Variants in RPS6KA2 observed in about 807,000 individuals in gnomAD.
RPS6KA2 encodes ribosomal protein S6 kinase alpha-2.
In RPS6KA2, 42 loss-of-function variants were observed where a neutral mutation model predicts 91.8. The observed-to-expected ratio is 0.46, with a 90% confidence interval of 0.36 to 0.59. The LOEUF is 0.59. RPS6KA2 is among the 20% of genes least tolerant of loss of function. RPS6KA2 has a pLI of 0.00. For synonymous variants in RPS6KA2, 414 were observed against 393.6 expected, an observed-to-expected ratio of 1.05 and a Z score of -0.61; for missense variants, 798 against 978.5, an observed-to-expected ratio of 0.82 and a Z score of 2.46.
rs532624192 is a variant in RPS6KA2 at position 166,852,669 on chromosome 6, C to T, written c.123+5531G>A. 2.8e-4 allele frequency among the ~76,000 whole-genome samples: 43 copies of T among 152,172 alleles called. No individual in the cohort carries two copies. The highest frequency in any genetic ancestry group is 9.6e-4 in the African/African-American group (40 of 41,544). On this transcript the variant is annotated intron_variant, in intron 2 of 21. Coordinates refer to the RPS6KA2 transcript ENST00000503859. The surrounding 1 kb of genome is among the most constrained non-coding windows in gnomAD (Gnocchi z 4.1). ...TCGAGGGGTCCAAGCAGCAACGGCT[C>T]GGCAACTCCGGGAGCTGGGCATTGG...
chr6:166,734,136 G>C (rs902028399), intron 2 of RPS6KA2, among the ~76,000 whole-genome samples: 8 of 152,208 alleles, frequency 5.3e-5, no homozygotes, highest in African/African-American at 1.9e-4. Context: ...AGAGAGGAAA[G>C]TTAGGTATGG....
chr6:166,624,866 G>A (rs991464353), intron 1 of RPS6KA2, among the ~76,000 whole-genome samples: 1 of 151,384 alleles, frequency 6.6e-6, no homozygotes, highest in Non-Finnish European at 1.5e-5. Context: ...GACAAGTCTC[G>A]CTCTCTCGCC....
chr6:166,745,148 CTTTTTTTT>C (rs147789754), intron 2 of RPS6KA2, among the ~76,000 whole-genome samples: 1 of 105,938 alleles, frequency 9.4e-6, no homozygotes, highest in Admixed American at 9.8e-5. Context: ...CCTAATCGGC[CTTTTTTTT>C]TTTTTTTTTT....
At position 166,435,540 on chromosome 6, in the gene RPS6KA2, C is replaced by T. The variant is rs775386301; in HGVS notation, c.1333-3050G>A. 3.3e-5 allele frequency among the ~76,000 whole-genome samples: 5 copies of T among 152,236 alleles called. No homozygotes were observed. Among genetic ancestry groups the T allele is most frequent in the African/African-American group, 4.8e-5 (2 of 41,472 alleles). ...AACCAAACACCACACACCAGCTGTT[C>T]GCTGAGGTGGCATTTGGGGAAATGG... On this transcript the variant is annotated intron_variant, in intron 14 of 20. Coordinates refer to ENST00000265678, the MANE Select transcript of RPS6KA2 (RefSeq NM_021135.6). This position sits in a 1 kb window ranked among gnomAD's most constrained non-coding sequence, Gnocchi z 4.3.
intron 2 of RPS6KA2, among the ~76,000 whole-genome samples, chr6:166,735,782 C>T (rs1387912483): frequency 2.0e-5 from 3 of 152,216 alleles, no homozygotes; most frequent in Admixed American, 6.5e-5. Flanking sequence ...GATGAAGCTT[C>T]GCTCACTCAC....
At chr6:166,691,976 C>G (rs1200397331) in intron 2 of RPS6KA2, among the ~76,000 whole-genome samples, 2 of 152,154 alleles carry the variant, frequency 1.3e-5, no homozygotes, top group African/African-American at 4.8e-5. Context: ...TTCCCCGTGT[C>G]CCAGGAGCAG....
intron 3 of RPS6KA2, among the ~76,000 whole-genome samples, chr6:166,523,612 A>G (rs2187910): frequency 0.61 from 92,902 of 151,974 alleles, 28,935 homozygotes; most frequent in African/African-American, 0.72. Flanking sequence ...CTCTTAAGAG[A>G]GGGCAAAATT....
intron 2 of RPS6KA2, among the ~76,000 whole-genome samples, chr6:166,656,011 G>A (rs1281359356): frequency 6.6e-6 from 1 of 152,222 alleles, no homozygotes; most frequent in African/African-American, 2.4e-5. Context: ...ACACGTGGCA[G>A]AACACTACAC....
At chr6:166,479,092 C>G (rs962662931) in intron 10 of RPS6KA2, among the ~76,000 whole-genome samples, 1 of 152,222 alleles carries the variant, frequency 6.6e-6, no homozygotes, top group Non-Finnish European at 1.5e-5. Flanking sequence ...TTCCATCAGG[C>G]CCTCTCCCCT....
chr6:166,675,995 G>A (rs779328418), intron 2 of RPS6KA2, among the ~76,000 whole-genome samples: 2 of 152,182 alleles, frequency 1.3e-5, no homozygotes, highest in African/African-American at 4.8e-5. Flanking sequence ...AGGCTTCGCC[G>A]TAAGGGATTC....
chr6:166,514,924 C>T (rs1038210192), intron 3 of RPS6KA2, among the ~76,000 whole-genome samples: 5 of 152,168 alleles, frequency 3.3e-5, no homozygotes, highest in Non-Finnish European at 7.4e-5. Flanking sequence ...AGGCCACCTG[C>T]ATTCTCGGCC....
intron 2 of RPS6KA2, among the ~76,000 whole-genome samples, chr6:166,771,631 CT>C (rs1196367180): frequency 6.6e-6 from 1 of 152,230 alleles, no homozygotes; most frequent in Non-Finnish European, 1.5e-5. Context: ...CATTTCTCTT[CT>C]GTTCTCTGTT....
At chr6:166,559,746 A>C (rs1784284649) in intron 1 of RPS6KA2, among the ~76,000 whole-genome samples, 1 of 152,168 alleles carries the variant, frequency 6.6e-6, no homozygotes, top group African/African-American at 2.4e-5. Context: ...TTATTAAAAA[A>C]AAGTTTTAAT....
intron 2 of RPS6KA2, among the ~76,000 whole-genome samples, chr6:166,725,361 A>G (rs1437585370): frequency 6.6e-6 from 1 of 152,210 alleles, no homozygotes; most frequent in Non-Finnish European, 1.5e-5. Context: ...TCCATTTGGG[A>G]ACAAAATGTA....
chr6:166,813,503 G>A (rs1018149540), intron 2 of RPS6KA2, among the ~76,000 whole-genome samples: 4 of 152,158 alleles, frequency 2.6e-5, no homozygotes, highest in Non-Finnish European at 4.4e-5. Flanking sequence ...ACACAAACTG[G>A]GTGGCTTAAG....
chr6:166,485,708 C>T (rs570292752), intron 10 of RPS6KA2, among the ~76,000 whole-genome samples: 22 of 151,776 alleles, frequency 1.4e-4, no homozygotes, highest in African/African-American at 2.6e-4. Context: ...CCTCCCCAGA[C>T]GCACGGTGAT....
intron 1 of RPS6KA2, among the ~76,000 whole-genome samples, chr6:166,560,405 T>C (rs1228150074): frequency 6.6e-6 from 1 of 152,238 alleles, no homozygotes; most frequent in Non-Finnish European, 1.5e-5. Flanking sequence ...GACATGAAGA[T>C]AAATTATCAT....
rs1253816018 is a variant in RPS6KA2, at chr6:166,737,329, G to A, written c.123+120871C>T. On this transcript the variant is annotated intron_variant, in intron 2 of 21. Coordinates refer to the RPS6KA2 transcript ENST00000503859. The surrounding 1 kb of genome is among the most constrained non-coding windows in gnomAD (Gnocchi z 4.3). Reference sequence around the variant, plus strand: ...GGCTGCCATGACCCTTCACCCCAGCGGCAGCCTGGTGTGATAATTGGTAGG... The same window carrying A: ...GGCTGCCATGACCCTTCACCCCAGCAGCAGCCTGGTGTGATAATTGGTAGG... Among the ~76,000 whole-genome samples the A allele has an allele frequency of 6.6e-6, 1 of 152,116 alleles. No individual in the cohort carries two copies. The highest frequency in any genetic ancestry group is 1.5e-5 in the Non-Finnish European group (1 of 68,016).
chr6:166,586,583 G>C, intron 1 of RPS6KA2: 1 of 1,059,430 alleles, frequency 9.4e-7, no homozygotes. Flanking sequence ...CCGCCGGCGA[G>C]ACACTGAGAA....
Sources: gnomAD v4.1 joint callset for allele counts (sites outside exome capture counted in the v4.1 genomes callset) on GRCh38, gnomAD v4.1.1 for gene constraint, Gnocchi (gnomAD v3.1) non-coding constraint, MANE v1.5 for transcripts, NCBI Gene and HGNC (gene_info 2026-07-23, HGNC 2026-07-21) for gene names.